EBF1: variants seen among roughly 807,000 people sequenced by gnomAD.
The protein encoded by EBF1 is transcription factor COE1.
In EBF1, 10 loss-of-function variants were observed where a neutral mutation model predicts 68.4. The ratio of observed to expected loss-of-function variants is 0.15; its 90% CI spans 0.09 to 0.25. EBF1 has a LOEUF of 0.25. EBF1 is among the 10% of genes least tolerant of loss of function. EBF1 has a pLI of 1.00. For missense variants in EBF1, 509 were observed against 794.4 expected, an observed-to-expected ratio of 0.64 and a Z score of 4.32; for synonymous variants, 298 against 299.8, an observed-to-expected ratio of 0.99 and a Z score of 0.06.
chr5:158,965,945 C>T (rs2127546432), intron 6 of EBF1, among the ~76,000 whole-genome samples: 1 of 152,254 alleles, frequency 6.6e-6, no homozygotes, highest in African/African-American at 2.4e-5. Context: ...AATCTACATC[C>T]TAATGGTGCT....
At chr5:158,790,013 T>G (rs1007097662) in intron 9 of EBF1, among the ~76,000 whole-genome samples, 1 of 152,192 alleles carries the variant, frequency 6.6e-6, no homozygotes, top group African/African-American at 2.4e-5. Flanking sequence ...AAACCACCAT[T>G]TACCCAACTA....
At chr5:159,010,756 C>T (rs1253370247) in intron 6 of EBF1, among the ~76,000 whole-genome samples, 2 of 152,180 alleles carry the variant, frequency 1.3e-5, no homozygotes, top group African/African-American at 2.4e-5. Context: ...GGCAGGGAAA[C>T]GCATAAGGCT....
intron 6 of EBF1, among the ~76,000 whole-genome samples, chr5:158,856,278 G>T (rs1430636324): frequency 6.6e-6 from 1 of 152,168 alleles, no homozygotes; most frequent in Non-Finnish European, 1.5e-5. Context: ...CCCTCTCAAT[G>T]AGTCTACTTC....
At chr5:158,888,035 C>T (rs149286847) in intron 6 of EBF1, among the ~76,000 whole-genome samples, 21 of 152,252 alleles carry the variant, frequency 1.4e-4, no homozygotes, top group African/African-American at 5.1e-4. Flanking sequence ...CTGCTTAAAC[C>T]TCTAAATCAG....
chr5:158,856,467 G>A (rs1416882998), intron 6 of EBF1, among the ~76,000 whole-genome samples: 1 of 152,212 alleles, frequency 6.6e-6, no homozygotes, highest in Non-Finnish European at 1.5e-5. Flanking sequence ...CTCTAGTGGT[G>A]TGGTGATTCT....
At chr5:158,741,570 G>A (rs1766421352) in intron 10 of EBF1, among the ~76,000 whole-genome samples, 1 of 136,690 alleles carries the variant, frequency 7.3e-6, no homozygotes. Flanking sequence ...GCAAGACCCT[G>A]TCTTTAAAAA....
chr5:159,009,771 CAAAA>C (rs11301958), intron 6 of EBF1, among the ~76,000 whole-genome samples: 4 of 124,208 alleles, frequency 3.2e-5, no homozygotes, highest in Non-Finnish European at 3.4e-5. Flanking sequence ...GACCCCATCT[CAAAA>C]AAAAAAAAAA....
intron 6 of EBF1, among the ~76,000 whole-genome samples, chr5:158,958,653 A>G (rs1419169769): frequency 6.6e-6 from 1 of 152,082 alleles, no homozygotes; most frequent in East Asian, 1.9e-4. Context: ...ACAGGTTAAT[A>G]TACACATCCC....
rs116306459 is a variant in EBF1 at position 158,992,780 on chromosome 5, C to T, written c.554+80616G>A. Among the ~76,000 whole-genome samples the T allele has an allele frequency of 3.5e-3, 527 of 152,198 alleles. 5 individuals are homozygous for T. Among genetic ancestry groups the T allele is most frequent in the African/African-American group, 0.012 (496 of 41,530 alleles). On this transcript the variant is annotated intron_variant, in intron 6 of 15. Coordinates refer to ENST00000313708, the MANE Select transcript of EBF1 (RefSeq NM_024007.5). ...TCTTTAAAAAGACATCTGGGAACAG[C>T]ATCATGAGATGTTCTGTAAATAAGA...
intron 6 of EBF1, among the ~76,000 whole-genome samples, chr5:159,027,155 T>C (rs770608055): frequency 2.6e-5 from 4 of 152,202 alleles, no homozygotes; most frequent in Non-Finnish European, 5.9e-5. Context: ...CCTGATTTTT[T>C]TCATGAGCAA....
intron 10 of EBF1, among the ~76,000 whole-genome samples, chr5:158,742,690 G>A (rs1042697256): frequency 1.3e-5 from 2 of 152,148 alleles, no homozygotes; most frequent in African/African-American, 4.8e-5. Context: ...TGTTACACTT[G>A]TCCTTGGGAC....
chr5:158,982,324 G>T (rs1483463799), intron 6 of EBF1, among the ~76,000 whole-genome samples: 1 of 152,150 alleles, frequency 6.6e-6, no homozygotes, highest in Non-Finnish European at 1.5e-5. Flanking sequence ...TCAATCAAAG[G>T]TGCAGATTTA....
intron 6 of EBF1, among the ~76,000 whole-genome samples, chr5:159,031,618 C>T (rs1283384816): frequency 2.0e-5 from 3 of 152,282 alleles, no homozygotes; most frequent in African/African-American, 7.2e-5. Context: ...AGCACATCTC[C>T]AGTTTTAAAA....
At chr5:158,985,264 C>A (rs149738268) in intron 6 of EBF1, among the ~76,000 whole-genome samples, 4 of 152,216 alleles carry the variant, frequency 2.6e-5, no homozygotes, top group Admixed American at 2.6e-4. Flanking sequence ...AGTGGTAGTT[C>A]TGCCTAACCA....
At chr5:158,834,058 A>T (rs762158106) in intron 7 of EBF1, among the ~76,000 whole-genome samples, 10 of 152,368 alleles carry the variant, frequency 6.6e-5, no homozygotes, top group Non-Finnish European at 1.5e-4. Flanking sequence ...TGAAGAGATA[A>T]GATGAATTTG....
At chr5:158,798,959 T>C (rs1387720752) in intron 8 of EBF1, among the ~76,000 whole-genome samples, 1 of 152,222 alleles carries the variant, frequency 6.6e-6, no homozygotes, top group Non-Finnish European at 1.5e-5. Flanking sequence ...TTCAGACCTT[T>C]CTAAGTTTAG....
chr5:158,941,237 T>C (rs763511514), intron 6 of EBF1: 32 of 455,970 alleles, frequency 7.0e-5, no homozygotes, highest in South Asian at 4.8e-4. Flanking sequence ...AGAATGATAA[T>C]GTGAGGGGTT....
At chr5:158,847,992 G>A (rs1791865755) in intron 6 of EBF1, among the ~76,000 whole-genome samples, 1 of 152,126 alleles carries the variant, frequency 6.6e-6, no homozygotes, top group African/African-American at 2.4e-5. Context: ...ACAAAGCCAA[G>A]CATAAAAAAT....
chr5:158,791,318 C>CAAAAAA (rs70987931), intron 9 of EBF1, among the ~76,000 whole-genome samples: 20 of 69,088 alleles, frequency 2.9e-4, no homozygotes, highest in African/African-American at 9.6e-4. Flanking sequence ...GATTCCATCT[C>CAAAAAA]AAAAAAAAAA....
Sources: allele counts gnomAD v4.1 joint callset (sites outside exome capture counted in the v4.1 genomes callset), GRCh38; gene constraint gnomAD v4.1.1; transcripts MANE v1.5; gene names NCBI Gene and HGNC (gene_info 2026-07-23, HGNC 2026-07-21).